The following SERGEF variants were observed in gnomAD, a reference collection of about 807,000 sequenced individuals.
SERGEF encodes secretion regulating guanine nucleotide exchange factor.
SERGEF carries 51 observed loss-of-function variants against 50.0 expected under a neutral mutation model. The ratio of observed to expected loss-of-function variants is 1.02; its 90% CI spans 0.81 to 1.29. The LOEUF (loss-of-function observed/expected upper bound fraction) is 1.29. SERGEF is among the 50% of genes most tolerant of loss of function. The pLI, the probability that SERGEF is intolerant of heterozygous loss-of-function variation, is 0.00. For synonymous variants in SERGEF, 205 were observed against 212.4 expected (o/e 0.97, Z 0.30); for missense variants, 521 against 557.0 (o/e 0.94, Z 0.65).
intron 9 of SERGEF, among the ~76,000 whole-genome samples, chr11:17,945,119 C>T (rs1201629345): frequency 6.6e-6 from 1 of 152,240 alleles, no homozygotes; most frequent in African/African-American, 2.4e-5. Context: ...CTTTTCTCAG[C>T]TGCTAGGAGT....
chr11:17,800,365 C>T (rs1452674242), intron 10 of SERGEF, among the ~76,000 whole-genome samples: 1 of 152,140 alleles, frequency 6.6e-6, no homozygotes, highest in Non-Finnish European at 1.5e-5. Flanking sequence ...ACGGGTTTGA[C>T]AAATGTATAA....
At chr11:17,879,763 T>C (rs927101261) in intron 9 of SERGEF, among the ~76,000 whole-genome samples, 2 of 152,202 alleles carry the variant, frequency 1.3e-5, no homozygotes, top group African/African-American at 2.4e-5. Context: ...TGTGAAGTAA[T>C]ATATGTTAAT....
At chr11:17,834,642 C>A (rs1850370679) in intron 10 of SERGEF, among the ~76,000 whole-genome samples, 1 of 152,210 alleles carries the variant, frequency 6.6e-6, no homozygotes, top group African/African-American at 2.4e-5. Context: ...TTCCCCTTAG[C>A]CAAACTGAAG....
chr11:17,843,227 A>G (rs1850538076), intron 10 of SERGEF, among the ~76,000 whole-genome samples: 1 of 152,084 alleles, frequency 6.6e-6, no homozygotes, highest in Non-Finnish European at 1.5e-5. Flanking sequence ...GATGACAATG[A>G]ACTATATTGT....
In SERGEF at chr11:18,004,529, C is replaced by T. The variant is rs1854032614; in HGVS notation, c.359G>A (p.Gly120Asp). ...WDFTIMLTEN[G>D]QVLSCGSNSF... ...GTTGGATCCACATGATAGAACTTGA[C>T]CATTTTCTGCAAAATACAAATACTT... The change falls in exon 4 of 11, where the codon GGT becomes GAT. Residue 120 changes from glycine to aspartate, a missense_variant. By Grantham distance (94) the Gly-to-Asp change is moderately conservative (BLOSUM62 -1). Transcript: ENST00000265965. 2 of 1,609,902 alleles carry T rather than the reference C, an allele frequency of 1.2e-6. No homozygotes were observed. The highest frequency in any genetic ancestry group is 1.3e-5 in the African/African-American group (1 of 74,952).
At chr11:17,795,992 CT>C (rs922668088) in intron 10 of SERGEF, among the ~76,000 whole-genome samples, 7 of 152,018 alleles carry the variant, frequency 4.6e-5, no homozygotes, top group African/African-American at 1.2e-4. Flanking sequence ...CATATTAAAA[CT>C]TTTTTTTAAC....
intron 9 of SERGEF, chr11:17,926,980 G>A (rs1039378895): frequency 2.1e-5 from 8 of 381,968 alleles, no homozygotes; most frequent in Non-Finnish European, 4.2e-5. Flanking sequence ...ACCAACCATC[G>A]CCTGTCACCA....
chr11:17,902,067 T>C (rs1851757281), intron 9 of SERGEF, among the ~76,000 whole-genome samples: 2 of 152,222 alleles, frequency 1.3e-5, no homozygotes, highest in Non-Finnish European at 2.9e-5. Flanking sequence ...CAGGGTACTT[T>C]GTTGGACAGA....
In SERGEF at chr11:17,999,494, C is replaced by CTCCTTCCTCCT. The variant is rs1229624298; in HGVS notation, c.508+1002_508+1003insAGGAGGAAGGA. 149 of 444,544 alleles carry CTCCTTCCTCCT rather than the reference C, an allele frequency of 3.4e-4. 4 individuals are homozygous for CTCCTTCCTCCT. Among genetic ancestry groups the CTCCTTCCTCCT allele is most frequent in the South Asian group, 2.3e-3 (144 of 62,054 alleles). 27.5% of individuals were successfully genotyped at this position (444,544 alleles called of 1,614,324 possible). On this transcript the variant is annotated intron_variant, in intron 5 of 10. Coordinates refer to ENST00000265965, the MANE Select transcript of SERGEF (RefSeq NM_012139.4). ...AGTCCTGCATTGAGCTCTTCCTCAC[C>CTCCTTCCTCCT]TCCTCTCTCCTTCCTCCACTCCACA...
At chr11:17,954,654 T>G (rs1000945883) in intron 9 of SERGEF, among the ~76,000 whole-genome samples, 3 of 152,250 alleles carry the variant, frequency 2.0e-5, no homozygotes, top group African/African-American at 7.2e-5. Context: ...TTAACTTTTA[T>G]TTCCACATTT....
intron 10 of SERGEF, among the ~76,000 whole-genome samples, chr11:17,865,839 T>C (rs911663672): frequency 6.6e-6 from 1 of 152,200 alleles, no homozygotes. Flanking sequence ...AAGTGCACAG[T>C]ATTTACAGCC....
In SERGEF at chr11:18,001,262, C is replaced by G. The variant is rs180989105; in HGVS notation, c.448-705G>C. 2.5e-3 allele frequency among the ~76,000 whole-genome samples: 374 copies of G among 152,326 alleles called. 1 individual carries two copies. Among genetic ancestry groups the G allele is most frequent in the African/African-American group, 8.7e-3 (363 of 41,568 alleles). ...TTAAAAATAGGTCCTCAAATTCTTGCTACTCCTCCCTTCAAGATGTGGAGC... is the reference window on the plus strand; with the variant it reads ...TTAAAAATAGGTCCTCAAATTCTTGGTACTCCTCCCTTCAAGATGTGGAGC... On this transcript the variant is annotated intron_variant, in intron 4 of 10. Transcript: ENST00000265965.
chr11:17,824,374 A>G (rs568476600), intron 10 of SERGEF, among the ~76,000 whole-genome samples: 13 of 152,110 alleles, frequency 8.5e-5, no homozygotes, highest in Non-Finnish European at 1.5e-4. Flanking sequence ...GCCATCTTGG[A>G]CCTTGAGAAA....
intron 9 of SERGEF, among the ~76,000 whole-genome samples, chr11:17,943,368 T>A (rs1287403161): frequency 6.6e-6 from 1 of 152,196 alleles, no homozygotes; most frequent in Non-Finnish European, 1.5e-5. Flanking sequence ...GGCATAAAGT[T>A]ATTTGTAATA....
chr11:18,010,043 C>T, intron 1 of SERGEF: 5 of 973,310 alleles, frequency 5.1e-6, no homozygotes, highest in Non-Finnish European at 7.0e-6. Flanking sequence ...ACTAAGATTT[C>T]AGAAATCTTT....
chr11:17,805,256 C>G (rs1443212097), intron 10 of SERGEF, among the ~76,000 whole-genome samples: 1 of 152,222 alleles, frequency 6.6e-6, no homozygotes, highest in African/African-American at 2.4e-5. Flanking sequence ...CACTACCTCT[C>G]ACAGGGTCTC....
intron 10 of SERGEF, among the ~76,000 whole-genome samples, chr11:17,849,160 A>G (rs181944953): frequency 1.3e-3 from 202 of 152,232 alleles, no homozygotes; most frequent in African/African-American, 4.8e-3. Context: ...ATACGAGTCT[A>G]TTTTTCCATC....
intron 9 of SERGEF, among the ~76,000 whole-genome samples, chr11:17,943,931 A>C (rs1852606415): frequency 6.6e-6 from 1 of 151,686 alleles, no homozygotes; most frequent in Non-Finnish European, 1.5e-5. Flanking sequence ...TTTTTGGTTT[A>C]TTTGTTTGTT....
intron 9 of SERGEF, among the ~76,000 whole-genome samples, chr11:17,936,756 G>A (rs1015867867): frequency 6.6e-6 from 1 of 152,186 alleles, no homozygotes; most frequent in Admixed American, 6.5e-5. Flanking sequence ...CATTTCGTGG[G>A]TACAGGGAGT....
Sources: gnomAD v4.1 joint callset for allele counts (sites outside exome capture counted in the v4.1 genomes callset) on GRCh38, gnomAD v4.1.1 for gene constraint, MANE v1.5 for transcripts, NCBI Gene and HGNC (gene_info 2026-07-23, HGNC 2026-07-21) for gene names.